CREB5: variants seen among roughly 807,000 people sequenced by gnomAD.
CREB5 encodes cyclic AMP-responsive element-binding protein 5.
In CREB5, 19 loss-of-function variants were observed where a neutral mutation model predicts 57.1. The observed-to-expected ratio is 0.33, with a 90% CI of 0.23 to 0.49. The LOEUF is 0.49. Among genes scored for constraint, CREB5 ranks in the 20% least tolerant of loss-of-function variants. The pLI is 0.99. For synonymous variants in CREB5, 238 were observed against 238.3 expected (o/e 1.00, Z 0.01); for missense variants, 579 against 671.6 (o/e 0.86, Z 1.52).
At chr7:28,588,893 C>T (rs1176011763) in intron 5 of CREB5, among the ~76,000 whole-genome samples, 1 of 152,094 alleles carries the variant, frequency 6.6e-6, no homozygotes, top group Non-Finnish European at 1.5e-5. Context: ...GCCTGTTTTC[C>T]CTGGAAGGGA....
intron 7 of CREB5, among the ~76,000 whole-genome samples, chr7:28,773,813 C>T (rs1806472207): frequency 6.6e-6 from 1 of 152,222 alleles, no homozygotes. Context: ...TTAGGGAACA[C>T]TTAAATTCAG....
chr7:28,320,447 T>C (rs58504544), intron 1 of CREB5, among the ~76,000 whole-genome samples: 6,733 of 152,218 alleles, frequency 0.044, 486 homozygotes, highest in African/African-American at 0.15. Flanking sequence ...TATAAGAACA[T>C]GGACCACGTA....
At chr7:28,351,302 T>C (rs1303347135) in intron 1 of CREB5, among the ~76,000 whole-genome samples, 1 of 152,138 alleles carries the variant, frequency 6.6e-6, no homozygotes, top group African/African-American at 2.4e-5. Flanking sequence ...TAATAATAGA[T>C]TTTTCAAAGT....
chr7:28,352,696 G>A (rs772645849), intron 1 of CREB5, among the ~76,000 whole-genome samples: 8 of 152,246 alleles, frequency 5.3e-5, no homozygotes, highest in Non-Finnish European at 8.8e-5. Context: ...CTGGCATCTC[G>A]TTTTCTTTAT....
At chr7:28,477,554 G>T (rs945540486) in intron 1 of CREB5, among the ~76,000 whole-genome samples, 5 of 152,208 alleles carry the variant, frequency 3.3e-5, no homozygotes, top group African/African-American at 1.2e-4. Context: ...GCTGTTGTTT[G>T]GGGGCCTGAG....
intron 7 of CREB5, among the ~76,000 whole-genome samples, chr7:28,761,021 T>G (rs1326634626): frequency 6.6e-6 from 1 of 152,176 alleles, no homozygotes; most frequent in Non-Finnish European, 1.5e-5. Flanking sequence ...GGAAAACCCT[T>G]AGAGACTTTG....
chr7:28,576,383 G>T (rs955339020), intron 5 of CREB5, among the ~76,000 whole-genome samples: 3 of 152,182 alleles, frequency 2.0e-5, no homozygotes, highest in African/African-American at 7.2e-5. Context: ...GCTCCAAGAA[G>T]AAAAGTAACT....
At chr7:28,621,706 C>T (rs558532810) in intron 5 of CREB5, among the ~76,000 whole-genome samples, 8 of 152,268 alleles carry the variant, frequency 5.3e-5, no homozygotes, top group East Asian at 1.9e-4. Flanking sequence ...GTCTGTGGTG[C>T]GCTGTGAAGT....
intron 7 of CREB5, among the ~76,000 whole-genome samples, chr7:28,739,941 A>G (rs1804239816): frequency 6.6e-6 from 1 of 152,214 alleles, no homozygotes; most frequent in South Asian, 2.1e-4. Flanking sequence ...TGCCCCTTAT[A>G]CAATAGAGAT....
At chr7:28,723,517 A>T (rs2128748820) in intron 6 of CREB5, among the ~76,000 whole-genome samples, 1 of 152,254 alleles carries the variant, frequency 6.6e-6, no homozygotes, top group East Asian at 1.9e-4. Context: ...CTACCCAAAG[A>T]CTTAGCCCTG....
At chr7:28,393,393 C>T (rs1787263368) in intron 1 of CREB5, among the ~76,000 whole-genome samples, 2 of 152,178 alleles carry the variant, frequency 1.3e-5, no homozygotes, top group Admixed American at 1.3e-4. Flanking sequence ...TTCTGCCCAT[C>T]TCTCTACTCA....
intron 1 of CREB5, among the ~76,000 whole-genome samples, chr7:28,415,000 C>A (rs527240328): frequency 2.0e-5 from 3 of 151,424 alleles, no homozygotes; most frequent in Non-Finnish European, 4.4e-5. Flanking sequence ...TTGCCTTCCC[C>A]CTCACCCCCT....
intron 7 of CREB5, among the ~76,000 whole-genome samples, chr7:28,784,499 T>C (rs1401766282): frequency 6.6e-6 from 1 of 152,096 alleles, no homozygotes; most frequent in East Asian, 1.9e-4. Context: ...ATAGGATTTT[T>C]TTTTCCCCCT....
At chr7:28,497,094 C>T (rs1792089178) in intron 3 of CREB5, among the ~76,000 whole-genome samples, 1 of 152,170 alleles carries the variant, frequency 6.6e-6, no homozygotes, top group South Asian at 2.1e-4. Flanking sequence ...CTCAAATAAG[C>T]TGCCTGGTGG....
chr7:28,497,597 GC>G (rs1168074746), intron 3 of CREB5, among the ~76,000 whole-genome samples: 2 of 152,136 alleles, frequency 1.3e-5, no homozygotes, highest in African/African-American at 4.8e-5. Flanking sequence ...TTTAAAACTT[GC>G]TACCTACTTT....
chr7:28,742,024 C>G (rs1050822874), intron 7 of CREB5, among the ~76,000 whole-genome samples: 1 of 144,966 alleles, frequency 6.9e-6, no homozygotes, highest in Non-Finnish European at 1.5e-5. Flanking sequence ...AGAGATCACA[C>G]CACTGCACTC....
rs548755749 is a variant in CREB5 at position 28,382,055 on chromosome 7, C to T, written c.-25+82614C>T. 4.6e-5 allele frequency among the ~76,000 whole-genome samples: 7 copies of T among 152,060 alleles called. No individual in the cohort carries two copies. In the East Asian group the frequency reaches 1.4e-3, roughly 30 times the overall value. ...GAAGCCAATGGTGTAGCTCTCAGTT[C>T]AAGGCGGAAGGCCCGAGAGCCCAGG... On this transcript the variant is annotated intron_variant, in intron 1 of 9. Coordinates refer to the CREB5 transcript ENST00000396299.
At chr7:28,797,261 G>GAAAT (rs1181615564) in intron 7 of CREB5, among the ~76,000 whole-genome samples, 1 of 152,076 alleles carries the variant, frequency 6.6e-6, no homozygotes, top group Non-Finnish European at 1.5e-5. Flanking sequence ...CTACTTTTCT[G>GAAAT]AAATACCATC....
At position 28,809,463 on chromosome 7, in the gene CREB5, C is replaced by T. The variant is rs189929435; in HGVS notation, c.1254+49C>T. ...CGCGACTCAAAGGCCCTCTGCTCCA[C>T]GGGCATTTCCGGCCCTGACAGGCAC... On this transcript the variant is annotated intron_variant, in intron 9 of 10. Transcript: ENST00000357727. 69 of 1,499,268 alleles carry T rather than the reference C, an allele frequency of 4.6e-5. 1 individual carries two copies. Among genetic ancestry groups the T allele is most frequent in the Middle Eastern group, 4.8e-4 (2 of 4,202 alleles). The allele number at this position is 1,499,268 out of a possible 1,614,324, so 92.9% of individuals were successfully genotyped here. A position where few individuals can be genotyped will look rare whatever the true frequency, so the allele number is the denominator to read the frequency against.
Sources: gnomAD v4.1 joint callset for allele counts (sites outside exome capture counted in the v4.1 genomes callset) on GRCh38, gnomAD v4.1.1 for gene constraint, MANE v1.5 for transcripts, NCBI Gene and HGNC (gene_info 2026-07-23, HGNC 2026-07-21) for gene names.